The following PRDM11 variants were observed in gnomAD, a reference collection of about 807,000 sequenced individuals.
PRDM11 encodes PR/SET domain 11, also known as PR domain-containing protein 11.
In PRDM11, 20 loss-of-function variants were observed where a neutral mutation model predicts 97.8. That is an observed-to-expected ratio of 0.20 (90% CI 0.14 to 0.30). The LOEUF is 0.30. PRDM11 is among the 10% of genes least tolerant of loss of function. PRDM11 has a pLI of 1.00. For synonymous variants in PRDM11, 599 were observed against 637.7 expected, an observed-to-expected ratio of 0.94 and a Z score of 0.91; for missense variants, 1,139 against 1,555.2, an observed-to-expected ratio of 0.73 and a Z score of 4.50.
At chr11:45,197,838 GGGGTGGGGAACATCACACACCA>G (rs1260745154) in intron 4 of PRDM11, among the ~76,000 whole-genome samples, 1 of 152,010 alleles carries the variant, frequency 6.6e-6, no homozygotes, top group African/African-American at 2.4e-5. Context: ...ACTTGGACAC[GGGGTGGGGAACATCACACACCA>G]GGGCCTGTCG....
intron 1 of PRDM11, among the ~76,000 whole-genome samples, chr11:45,157,699 G>T (rs1422976990): frequency 6.6e-6 from 1 of 152,238 alleles, no homozygotes; most frequent in Non-Finnish European, 1.5e-5. Flanking sequence ...CCTCGGGTGT[G>T]AGCAGCATGG....
intron 1 of PRDM11, among the ~76,000 whole-genome samples, chr11:45,153,374 C>T (rs1453056421): frequency 6.6e-6 from 1 of 152,278 alleles, no homozygotes; most frequent in Non-Finnish European, 1.5e-5. Flanking sequence ...GAGCAGGAGG[C>T]TGTCCCTCTT....
chr11:45,190,442 C>T (rs1470895766), intron 4 of PRDM11, among the ~76,000 whole-genome samples: 1 of 151,316 alleles, frequency 6.6e-6, no homozygotes, highest in African/African-American at 2.4e-5. Context: ...GCCACCGCGC[C>T]CGGCCATACA....
At chr11:45,202,806 C>T (rs1853375845) in intron 4 of PRDM11, among the ~76,000 whole-genome samples, 2 of 152,142 alleles carry the variant, frequency 1.3e-5, no homozygotes, top group Admixed American at 1.3e-4. Context: ...CTGATGGGCA[C>T]AGGGTTGTCA....
intron 1 of PRDM11, among the ~76,000 whole-genome samples, chr11:45,122,978 A>G (rs1852474166): frequency 1.3e-5 from 2 of 152,048 alleles, no homozygotes; most frequent in Non-Finnish European, 2.9e-5. Context: ...AAGTGTTCCT[A>G]TTTCTCCACT....
In PRDM11 at chr11:45,219,793, C is replaced by A. The variant is rs1854066689; in HGVS notation, c.742+36C>A. 8.2e-6 allele frequency: 13 copies of A among 1,589,550 alleles called. No individual in the cohort carries two copies. Among genetic ancestry groups the A allele is most frequent in the Non-Finnish European group, 1.1e-5 (13 of 1,165,842 alleles). ...TGCTCCACATGAGCTGCGCCCACCT[C>A]TGAGCCCCAGGGGAGGCCTGGATAG... On this transcript the variant is annotated intron_variant, in intron 6 of 7. Coordinates refer to ENST00000683152, the MANE Select transcript of PRDM11 (RefSeq NM_001384648.1). This position sits in a 1 kb window ranked among gnomAD's most constrained non-coding sequence, Gnocchi z 4.2.
chr11:45,191,640 T>C (rs1371480608), intron 4 of PRDM11, among the ~76,000 whole-genome samples: 19 of 152,072 alleles, frequency 1.2e-4, no homozygotes. Flanking sequence ...TCCCCATCAT[T>C]ATTTTAGCAC....
rs530933982 is a variant in PRDM11, at chr11:45,101,667, G to C, written c.96+5766G>C. ...AAGGCGTTCAGGGCTCAGAGCTGGAGGCTGAGCGGAGGAAGAAGAAGGCGT... is the reference window on the plus strand; with the variant it reads ...AAGGCGTTCAGGGCTCAGAGCTGGACGCTGAGCGGAGGAAGAAGAAGGCGT... On this transcript the variant is annotated intron_variant, in intron 1 of 6. Coordinates refer to the PRDM11 transcript ENST00000530656. 3.7e-3 allele frequency among the ~76,000 whole-genome samples: 550 copies of C among 147,194 alleles called. 4 individuals carry two copies. Among genetic ancestry groups the C allele is most frequent in the African/African-American group, 0.013 (500 of 39,406 alleles).
At chr11:45,191,825 T>C (rs528326080) in intron 4 of PRDM11, among the ~76,000 whole-genome samples, 2 of 150,706 alleles carry the variant, frequency 1.3e-5, no homozygotes, top group Admixed American at 1.3e-4. Flanking sequence ...ATTATTATTA[T>C]TACTATTATT....
rs1854212333 is a variant in PRDM11 at position 45,224,507 on chromosome 11, T to G, written c.1033T>G (p.Cys345Gly). 1 of 1,614,006 alleles carries G rather than the reference T, an allele frequency of 6.2e-7. No homozygotes were observed. The highest frequency in any genetic ancestry group is 1.1e-5 in the South Asian group (1 of 91,076). ...PKYQDDAYSQ[C>G]ATTMTHGVQN... ...ATACCAGGATGACGCCTACAGTCAG[T>G]GTGCAACAACAATGACCCATGGTGT... The change falls in exon 7 of 8, where the codon TGT (cysteine) becomes GGT (glycine). Residue 345 changes from cysteine (C) to glycine (G), a missense_variant. By Grantham distance (159) the Cys-to-Gly change is radical. This residue lies in a region of PRDM11 where 429 missense variants were observed against 510.3 expected (regional missense o/e 0.84). Coordinates refer to ENST00000683152, the MANE Select transcript of PRDM11 (RefSeq NM_001384648.1).
At chr11:45,112,105 T>A (rs1392124886) in intron 1 of PRDM11, among the ~76,000 whole-genome samples, 3 of 152,156 alleles carry the variant, frequency 2.0e-5, no homozygotes, top group Non-Finnish European at 1.5e-5. Context: ...CCTCCCAACC[T>A]TCCCCCACAA....
Position 45,219,299 on chromosome 11 carries a change from C to T in PRDM11, c.555-271C>T, listed in dbSNP as rs374808197. Among the ~76,000 whole-genome samples the T allele has an allele frequency of 1.1e-4, 17 of 152,284 alleles. 1 individual carries two copies. Among genetic ancestry groups the T allele is most frequent in the East Asian group, 7.7e-4 (4 of 5,166 alleles). ...TATTTTCCATATGGTGTGAGGCAGGCAGGGCAGGTGTCATATCCAGTCTCA... is the reference window on the plus strand; with the variant it reads ...TATTTTCCATATGGTGTGAGGCAGGTAGGGCAGGTGTCATATCCAGTCTCA... On this transcript the variant is annotated intron_variant, in intron 5 of 7. Coordinates refer to ENST00000683152, the MANE Select transcript of PRDM11 (RefSeq NM_001384648.1). The surrounding 1 kb of genome is among the most constrained non-coding windows in gnomAD (Gnocchi z 4.2).
At chr11:45,174,110 G>A (rs999365780) in intron 1 of PRDM11, among the ~76,000 whole-genome samples, 21 of 151,960 alleles carry the variant, frequency 1.4e-4, no homozygotes, top group Non-Finnish European at 5.9e-5. Context: ...GTTTTTTTTG[G>A]TAACTCTATT....
Position 45,224,727 on chromosome 11 carries a change from A to T in PRDM11, c.1253A>T (p.Lys418Met), listed in dbSNP as rs1277425723. ...TTTTGCCCTAACTGTATTCGCCTAA[A>T]GAAGAAGGTTCGGGAGCTCCAGGCA... ...TSFCPNCIRL[K>M]KKVRELQAEL... The change falls in exon 7 of 8, where the codon AAG becomes ATG. Residue 418 changes from lysine to methionine, a missense_variant. Around this residue, in one of 2 missense-constraint regions of PRDM11, gnomAD observed 710 missense variants for 1,044.9 expected, o/e 0.68. Coordinates refer to ENST00000683152, the MANE Select transcript of PRDM11 (RefSeq NM_001384648.1). 1.2e-6 allele frequency: 2 copies of T among 1,614,110 alleles called. No homozygotes were observed. The highest frequency in any genetic ancestry group is 2.7e-5 in the African/African-American group (2 of 74,946).
chr11:45,206,683 T>C (rs1408560905), intron 5 of PRDM11, among the ~76,000 whole-genome samples: 1 of 152,208 alleles, frequency 6.6e-6, no homozygotes, highest in African/African-American at 2.4e-5. Context: ...ACCCCGCAGA[T>C]TGTGACTTAA....
intron 3 of PRDM11, 47 bp downstream of exon 3, chr11:45,182,396 C>A: frequency 2.0e-6 from 3 of 1,523,470 alleles, no homozygotes; most frequent in South Asian, 1.1e-5. Flanking sequence ...TCACCCCCAT[C>A]GCCCCATTCC....
chr11:45,223,136 C>T (rs186404978), intron 6 of PRDM11, among the ~76,000 whole-genome samples: 43 of 152,160 alleles, frequency 2.8e-4, no homozygotes, highest in African/African-American at 7.5e-4. Context: ...GGCAACATGG[C>T]GAAACCCTAT....
chr11:45,187,226 G>A (rs778060557), intron 4 of PRDM11, among the ~76,000 whole-genome samples: 1 of 152,204 alleles, frequency 6.6e-6, no homozygotes, highest in Non-Finnish European at 1.5e-5. Flanking sequence ...GTAGGGAGAG[G>A]GGGATTGGTT....
intron 1 of PRDM11, among the ~76,000 whole-genome samples, chr11:45,100,373 G>A (rs532897638): frequency 1.1e-4 from 16 of 152,298 alleles, no homozygotes; most frequent in African/African-American, 3.9e-4. Context: ...GCCACCCCAT[G>A]TCATAGGTGA....
Sources: gnomAD v4.1 joint callset for allele counts (sites outside exome capture counted in the v4.1 genomes callset) on GRCh38, gnomAD v4.1.1 for gene constraint, gnomAD v4.1.1 regional missense constraint, Gnocchi (gnomAD v3.1) non-coding constraint, MANE v1.5 for transcripts, NCBI Gene and HGNC (gene_info 2026-07-23, HGNC 2026-07-21) for gene names.